MECOM: variants seen among roughly 807,000 people sequenced by gnomAD.
MECOM encodes MDS1 and EVI1 complex locus.
MECOM carries 13 observed loss-of-function variants against 116.3 expected under a neutral mutation model. The ratio of observed to expected loss-of-function variants is 0.11; its 90% CI spans 0.07 to 0.18. The LOEUF (loss-of-function observed/expected upper bound fraction) is 0.18. Among genes scored for constraint, MECOM ranks in the 10% least tolerant of loss-of-function variants. MECOM has a pLI of 1.00. For missense variants in MECOM, 1,299 were observed against 1,509.0 expected (o/e 0.86, Z 2.31); for synonymous variants, 528 against 535.2 (o/e 0.99, Z 0.19).
At chr3:169,456,580 A>C (rs1016867117) in intron 1 of MECOM, among the ~76,000 whole-genome samples, 3 of 152,164 alleles carry the variant, frequency 2.0e-5, no homozygotes, top group African/African-American at 7.2e-5. Flanking sequence ...GTCAACTGGG[A>C]GCTGGTTGCA....
intron 2 of MECOM, among the ~76,000 whole-genome samples, chr3:169,237,811 A>G (rs966436623): frequency 2.0e-5 from 3 of 152,166 alleles, no homozygotes; most frequent in Non-Finnish European, 4.4e-5. Flanking sequence ...CTATTTAACC[A>G]TTTAAAATTT....
chr3:169,627,089 AATT>A (rs1771471721), intron 1 of MECOM, among the ~76,000 whole-genome samples: 2 of 152,236 alleles, frequency 1.3e-5, no homozygotes, highest in Non-Finnish European at 2.9e-5. Flanking sequence ...GCTTAAAACA[AATT>A]ACAGCAGTCA....
At chr3:169,104,373 C>T (rs1157996028) in intron 10 of MECOM, among the ~76,000 whole-genome samples, 2 of 152,134 alleles carry the variant, frequency 1.3e-5, no homozygotes, top group East Asian at 3.8e-4. Flanking sequence ...TTTATTCCTT[C>T]TAATTGTTCC....
At chr3:169,248,740 G>A (rs1404164239) in intron 2 of MECOM, among the ~76,000 whole-genome samples, 1 of 152,062 alleles carries the variant, frequency 6.6e-6, no homozygotes, top group African/African-American at 2.4e-5. Context: ...GAGAAATGTT[G>A]GAAACACAAA....
intron 1 of MECOM, among the ~76,000 whole-genome samples, chr3:169,514,967 G>A (rs547936329): frequency 1.1e-4 from 16 of 152,182 alleles, no homozygotes; most frequent in South Asian, 4.2e-4. Context: ...TTAGAATCCC[G>A]GTAGACACAG....
intron 1 of MECOM, among the ~76,000 whole-genome samples, chr3:169,496,854 T>C (rs185380872): frequency 1.1e-4 from 16 of 152,322 alleles, no homozygotes; most frequent in Non-Finnish European, 1.8e-4. Flanking sequence ...TAATGAACAA[T>C]AAATGTTTAC....
At chr3:169,534,357 TAG>T (rs1759060192) in intron 1 of MECOM, among the ~76,000 whole-genome samples, 1 of 152,186 alleles carries the variant, frequency 6.6e-6, no homozygotes, top group South Asian at 2.1e-4. Context: ...TATGCTCTGG[TAG>T]AGATAGCTAA....
intron 1 of MECOM, among the ~76,000 whole-genome samples, chr3:169,465,083 T>C (rs1748066757): frequency 6.6e-6 from 1 of 152,192 alleles, no homozygotes. Flanking sequence ...TTCTTATTAC[T>C]AACAAATTTC....
At chr3:169,170,231 T>C (rs1208755455) in intron 2 of MECOM, among the ~76,000 whole-genome samples, 1 of 151,602 alleles carries the variant, frequency 6.6e-6, no homozygotes, top group Non-Finnish European at 1.5e-5. Flanking sequence ...GCCAACATGG[T>C]GAAACCCCAT....
intron 1 of MECOM, among the ~76,000 whole-genome samples, chr3:169,584,070 G>C (rs1410558942): frequency 1.3e-5 from 2 of 152,122 alleles, no homozygotes; most frequent in Non-Finnish European, 2.9e-5. Flanking sequence ...AATTCCTGCT[G>C]AGAGAATATT....
chr3:169,628,564 T>C lies in MECOM; in HGVS notation c.37+34772A>G, dbSNP rs564062089. Among the ~76,000 whole-genome samples, 6 of 152,332 alleles carry C rather than the reference T, an allele frequency of 3.9e-5. No homozygotes were observed. In the East Asian group the frequency reaches 1.2e-3, roughly 29 times the overall value. On this transcript the variant is annotated intron_variant, in intron 1 of 16. Coordinates refer to ENST00000651503, the MANE Select transcript of MECOM (RefSeq NM_004991.4). Reference sequence around the variant, plus strand: ...GTGACCCTATATAGGAAGCTCATGGTGTGGTGAGACACACACAGCTATCTC... The same window carrying C: ...GTGACCCTATATAGGAAGCTCATGGCGTGGTGAGACACACACAGCTATCTC...
chr3:169,386,048 G>A (rs1181942604), intron 1 of MECOM, among the ~76,000 whole-genome samples: 2 of 152,196 alleles, frequency 1.3e-5, no homozygotes, highest in Non-Finnish European at 2.9e-5. Context: ...ATTGCTCTTG[G>A]AAGTCAACCT....
At chr3:169,353,635 GC>G (rs1422795681) in intron 2 of MECOM, among the ~76,000 whole-genome samples, 2 of 151,798 alleles carry the variant, frequency 1.3e-5, no homozygotes, top group Non-Finnish European at 2.9e-5. Context: ...CTGGTATGTA[GC>G]CAAAACATTA....
intron 1 of MECOM, among the ~76,000 whole-genome samples, chr3:169,577,054 G>T (rs1764601470): frequency 6.6e-6 from 1 of 152,140 alleles, no homozygotes. Flanking sequence ...CAAGTTTTCT[G>T]AGTCTGAATC....
At position 169,591,403 on chromosome 3, in the gene MECOM, G is replaced by A. The variant is rs548628138; in HGVS notation, c.37+71933C>T. 9.6e-4 allele frequency among the ~76,000 whole-genome samples: 146 copies of A among 152,268 alleles called. 2 individuals are homozygous for A. In the South Asian group the frequency reaches 0.024, roughly 25 times the overall value. ...TGCTGTTATTTTGTAGGCTGTGGACGGAGAAATCCCTGGAATGATTGGAGA... is the reference window on the plus strand; with the variant it reads ...TGCTGTTATTTTGTAGGCTGTGGACAGAGAAATCCCTGGAATGATTGGAGA... On this transcript the variant is annotated intron_variant, in intron 1 of 16. Coordinates refer to ENST00000651503, the MANE Select transcript of MECOM (RefSeq NM_004991.4).
intron 2 of MECOM, among the ~76,000 whole-genome samples, chr3:169,317,116 G>C (rs1379736899): frequency 6.6e-6 from 1 of 152,184 alleles, no homozygotes; most frequent in Non-Finnish European, 1.5e-5. Context: ...ATTAAGTCCA[G>C]GGATAAGGGT....
chr3:169,407,862 A>T (rs1736941511), intron 1 of MECOM, among the ~76,000 whole-genome samples: 1 of 152,224 alleles, frequency 6.6e-6, no homozygotes, highest in Admixed American at 6.5e-5. Context: ...TTCTCCAAGG[A>T]ATTCCACTTC....
At chr3:169,599,040 T>C (rs905211809) in intron 1 of MECOM, among the ~76,000 whole-genome samples, 2 of 152,200 alleles carry the variant, frequency 1.3e-5, no homozygotes, top group Non-Finnish European at 2.9e-5. Flanking sequence ...CTGTACCTGA[T>C]CAAAACAGAC....
chr3:169,301,746 G>A (rs1236048777), intron 2 of MECOM, among the ~76,000 whole-genome samples: 1 of 152,178 alleles, frequency 6.6e-6, no homozygotes, highest in African/African-American at 2.4e-5. Context: ...ATCAAGTAAA[G>A]TATATTTATA....
Sources: allele counts gnomAD v4.1 joint callset (sites outside exome capture counted in the v4.1 genomes callset), GRCh38; gene constraint gnomAD v4.1.1; transcripts MANE v1.5; gene names NCBI Gene and HGNC (gene_info 2026-07-23, HGNC 2026-07-21).